HS3ST3B1: variants seen among roughly 807,000 people sequenced by gnomAD.
HS3ST3B1 encodes the protein heparan sulfate glucosamine 3-O-sulfotransferase 3B1.
HS3ST3B1 carries 13 observed loss-of-function variants against 21.3 expected under a neutral mutation model. The ratio of observed to expected loss-of-function variants is 0.61; its 90% CI spans 0.40 to 0.97. The LOEUF is 0.97. Among genes scored for constraint, HS3ST3B1 ranks in the 50% least tolerant of loss-of-function variants. HS3ST3B1 has a pLI of 0.00. For synonymous variants in HS3ST3B1, 234 were observed against 254.8 expected, an observed-to-expected ratio of 0.92 and a Z score of 0.78; for missense variants, 459 against 554.8, an observed-to-expected ratio of 0.83 and a Z score of 1.73.
intron 1 of HS3ST3B1, among the ~76,000 whole-genome samples, chr17:14,314,311 T>C (rs1197156823): frequency 6.6e-6 from 1 of 152,210 alleles, no homozygotes; most frequent in Non-Finnish European, 1.5e-5. Flanking sequence ...ATTTACATAC[T>C]TATAGAAAAG....
rs755307808 is a variant in HS3ST3B1 at position 14,301,595 on chromosome 17, C to A, written c.77C>A (p.Pro26Gln). 6.2e-7 allele frequency: 1 copy of A among 1,602,860 alleles called. No individual in the cohort carries two copies. The highest frequency in any genetic ancestry group is 1.7e-5 in the Admixed American group (1 of 59,820). ...CTCCTACCGCAGCCGCCGCCGCCCC[C>A]GCCGCCGGTGAGGAGGAAGCTCGCG... The part of the protein sequence containing the change: ...GRLLPQPPPP[P>Q]PPVRRKLALL... Residue 26 changes from proline (P) to glutamine (Q), a missense_variant, in exon 1 of 2, where the codon CCG becomes CAG. Pro to Gln is a moderately conservative substitution (Grantham distance 76). This residue lies in a region of HS3ST3B1 where 317 missense variants were observed against 278.6 expected (regional missense o/e 1.14). Transcript: ENST00000360954.
chr17:14,302,967 T>C (rs1908992523), intron 1 of HS3ST3B1, among the ~76,000 whole-genome samples: 1 of 152,138 alleles, frequency 6.6e-6, no homozygotes, highest in Admixed American at 6.5e-5. Flanking sequence ...GGAAATTCTG[T>C]TCTCGAGTCG....
At chr17:14,309,883 C>G (rs1909251578) in intron 1 of HS3ST3B1, among the ~76,000 whole-genome samples, 1 of 152,098 alleles carries the variant, frequency 6.6e-6, no homozygotes, top group African/African-American at 2.4e-5. Context: ...TCGGCTTTTT[C>G]GGACCTTATT....
At chr17:14,330,874 C>T (rs9891833) in intron 1 of HS3ST3B1, among the ~76,000 whole-genome samples, 3 of 151,770 alleles carry the variant, frequency 2.0e-5, no homozygotes, top group East Asian at 3.9e-4. Context: ...GAAAAAAGAA[C>T]GGTGTTAGAG....
rs1311904960 is a variant in HS3ST3B1 at position 14,311,239 on chromosome 17, A to T, written c.554+9167A>T. Among the ~76,000 whole-genome samples, 49 of 27,764 alleles carry T rather than the reference A, an allele frequency of 1.8e-3. 1 individual carries two copies. Among genetic ancestry groups the T allele is most frequent in the African/African-American group, 2.4e-3 (41 of 17,172 alleles). 18.2% of individuals were successfully genotyped at this position (27,764 alleles called of 152,430 possible). On this transcript the variant is annotated intron_variant, in intron 1 of 1. Coordinates refer to ENST00000360954, the MANE Select transcript of HS3ST3B1 (RefSeq NM_006041.3). ...GCACACCACCATGCCTGGCTAATTAAAAAAAAAAAAAAAAAAACTGTAGAG... is the reference window on the plus strand; with the variant it reads ...GCACACCACCATGCCTGGCTAATTATAAAAAAAAAAAAAAAAACTGTAGAG...
chr17:14,325,617 G>A (rs912617183), intron 1 of HS3ST3B1, among the ~76,000 whole-genome samples: 3 of 152,184 alleles, frequency 2.0e-5, no homozygotes, highest in Admixed American at 6.5e-5. Context: ...ATCAGCGAGC[G>A]TGCTCTAAAC....
chr17:14,345,660 A>G lies in HS3ST3B1; in HGVS notation c.*14A>G. 6.2e-7 allele frequency: 1 copy of G among 1,610,456 alleles called. No individual in the cohort carries two copies. The highest frequency in any genetic ancestry group is 1.3e-5 in the African/African-American group (1 of 75,016). On this transcript the variant is annotated 3_prime_UTR_variant, in exon 2 of 2. Coordinates refer to ENST00000360954, the MANE Select transcript of HS3ST3B1 (RefSeq NM_006041.3). ...GGCTGGGATTGAGCAGACCCGGGCT[A>G]TGTACCTTACCCACGTGGCTTATCT... is the stretch of plus-strand genomic sequence containing the variant.
intron 1 of HS3ST3B1, among the ~76,000 whole-genome samples, chr17:14,338,062 G>A (rs1053191079): frequency 5.9e-5 from 9 of 151,708 alleles, no homozygotes; most frequent in East Asian, 1.9e-4. Context: ...GGCATATAAC[G>A]CCAGTTAAAA....
chr17:14,340,834 C>T (rs1910355370), intron 1 of HS3ST3B1, among the ~76,000 whole-genome samples: 1 of 152,198 alleles, frequency 6.6e-6, no homozygotes, highest in African/African-American at 2.4e-5. Flanking sequence ...CCACCCACCT[C>T]AGCCTCCTAA....
intron 1 of HS3ST3B1, among the ~76,000 whole-genome samples, chr17:14,335,049 A>G (rs1910146858): frequency 6.6e-6 from 1 of 152,090 alleles, no homozygotes; most frequent in Non-Finnish European, 1.5e-5. Flanking sequence ...GGCTTCCTGG[A>G]AGGTAATGCA....
Position 14,346,972 on chromosome 17 carries a change from G to A in HS3ST3B1, c.*1326G>A, listed in dbSNP as rs1462171493. The A allele has an allele frequency of 6.6e-6, 1 of 152,166 alleles. No individual in the cohort carries two copies. Among genetic ancestry groups the A allele is most frequent in the Non-Finnish European group, 1.5e-5 (1 of 68,104 alleles). The allele number at this position is 152,166 out of a possible 1,614,324, so 9.4% of individuals were successfully genotyped here. On this transcript the variant is annotated 3_prime_UTR_variant, in exon 2 of 2. Transcript: ENST00000360954. ...AGCAGGCTCACAGCCTCAATAGGGA[G>A]AAAAGACAAAGGCCTCAAAATGACA...
chr17:14,347,002 G>C lies in HS3ST3B1; in HGVS notation c.*1356G>C, dbSNP rs1441724351. 6.6e-6 allele frequency: 1 copy of C among 152,224 alleles called. No individual in the cohort carries two copies. Among genetic ancestry groups the C allele is most frequent in the East Asian group, 1.9e-4 (1 of 5,200 alleles). 9.4% of individuals were successfully genotyped at this position (152,224 alleles called of 1,614,324 possible). A position where few individuals can be genotyped will look rare whatever the true frequency, so the allele number is the denominator to read the frequency against. ...GACAAAGGCCTCAAAATGACAGGCA[G>C]CCTGACAGAGGAAGGAGTCTGACAC... is the stretch of plus-strand genomic sequence containing the variant. On this transcript the variant is annotated 3_prime_UTR_variant, in exon 2 of 2. Transcript: ENST00000360954.
chr17:14,336,112 A>T (rs1355284969), intron 1 of HS3ST3B1, among the ~76,000 whole-genome samples: 1 of 152,178 alleles, frequency 6.6e-6, no homozygotes, highest in Admixed American at 6.5e-5. Flanking sequence ...TGCTCTTCCC[A>T]GTTTTCCTCA....
At position 14,345,206 on chromosome 17, in the gene HS3ST3B1, C is replaced by T; in HGVS notation, c.733C>T (p.Arg245Trp). The T allele has an allele frequency of 2.7e-6, 4 of 1,487,882 alleles. No individual in the cohort carries two copies. Among genetic ancestry groups the T allele is most frequent in the Non-Finnish European group, 3.7e-6 (4 of 1,080,946 alleles). 92.2% of individuals were successfully genotyped at this position (1,487,882 alleles called of 1,614,324 possible). Reference protein sequence around the residue: ...ISDYTQTLSKRPDIPTFESLT... With the variant: ...ISDYTQTLSKWPDIPTFESLT... ...GGACTACACGCAGACGCTGTCCAAG[C>T]GGCCCGACATCCCCACCTTCGAGAG... The change falls in exon 2 of 2, where the codon CGG becomes TGG. Residue 245 changes from arginine to tryptophan, a missense_variant. This residue lies in a region of HS3ST3B1 where 127 missense variants were observed against 209.9 expected (regional missense o/e 0.60). Coordinates refer to ENST00000360954, the MANE Select transcript of HS3ST3B1 (RefSeq NM_006041.3).
intron 1 of HS3ST3B1, among the ~76,000 whole-genome samples, chr17:14,322,295 G>C (rs996004203): frequency 2.0e-5 from 3 of 152,032 alleles, no homozygotes; most frequent in African/African-American, 7.2e-5. Flanking sequence ...TTGATCTGGG[G>C]CCACTTAATC....
At chr17:14,324,727 C>T (rs1008467289) in intron 1 of HS3ST3B1, among the ~76,000 whole-genome samples, 2 of 151,948 alleles carry the variant, frequency 1.3e-5, no homozygotes, top group Non-Finnish European at 2.9e-5. Context: ...GATCCTCCCG[C>T]TTCAGCCTCC....
At position 14,327,668 on chromosome 17, in the gene HS3ST3B1, C is replaced by A. The variant is rs781453217; in HGVS notation, c.555-17360C>A. 2.0e-5 allele frequency: 3 copies of A among 152,154 alleles called. No individual in the cohort carries two copies. In the East Asian group the frequency reaches 5.8e-4, roughly 29 times the overall value. 9.4% of individuals were successfully genotyped at this position (152,154 alleles called of 1,614,324 possible). Reference sequence around the variant, plus strand: ...TATTCCAAGTTGCCCTTGATTCACCCCTGAGTTTCTTGACATATTTGCATC... The same window carrying A: ...TATTCCAAGTTGCCCTTGATTCACCACTGAGTTTCTTGACATATTTGCATC... On this transcript the variant is annotated intron_variant, in intron 1 of 1. Transcript: ENST00000360954.
At chr17:14,317,556 C>T (rs9908363) in intron 1 of HS3ST3B1, among the ~76,000 whole-genome samples, 2,425 of 152,210 alleles carry the variant, frequency 0.016, 51 homozygotes, top group African/African-American at 0.05. Flanking sequence ...CACTGAAGCA[C>T]GGATAGGAGC....
intron 1 of HS3ST3B1, among the ~76,000 whole-genome samples, chr17:14,310,881 C>T (rs1405713503): frequency 3.3e-5 from 5 of 152,106 alleles, no homozygotes; most frequent in Admixed American, 1.3e-4. Flanking sequence ...CTGTTCCCAC[C>T]GAAGATCCCC....
Sources: allele counts gnomAD v4.1 joint callset (sites outside exome capture counted in the v4.1 genomes callset), GRCh38; gene constraint gnomAD v4.1.1; regional missense constraint gnomAD v4.1.1; transcripts MANE v1.5; gene names NCBI Gene and HGNC (gene_info 2026-07-23, HGNC 2026-07-21).